The following RBFOX3 variants were observed in gnomAD, a reference collection of about 807,000 sequenced individuals.
The protein encoded by RBFOX3 is RNA binding fox-1 homolog 3.
Under a neutral mutation model 48.7 loss-of-function variants are expected in RBFOX3, and 17 were observed. The ratio of observed to expected loss-of-function variants is 0.35; its 90% CI spans 0.24 to 0.52. The LOEUF (loss-of-function observed/expected upper bound fraction) is 0.52, where lower values mean the gene tolerates loss of function less well. RBFOX3 is among the 20% of genes least tolerant of loss of function. RBFOX3 has a pLI of 0.94. For synonymous variants in RBFOX3, 212 were observed against 209.5 expected, an observed-to-expected ratio of 1.01 and a Z score of -0.10; for missense variants, 382 against 497.5, an observed-to-expected ratio of 0.77 and a Z score of 2.21.
intron 2 of RBFOX3, among the ~76,000 whole-genome samples, chr17:79,414,226 A>G (rs867589788): frequency 3.3e-5 from 5 of 152,064 alleles, no homozygotes; most frequent in African/African-American, 9.7e-5. Context: ...CAAATCAACA[A>G]TTGCCTTGCT....
chr17:79,309,432 G>C (rs887044886), intron 2 of RBFOX3, among the ~76,000 whole-genome samples: 1 of 146,770 alleles, frequency 6.8e-6, no homozygotes, highest in African/African-American at 2.5e-5. Context: ...CCTGCTCCTT[G>C]CTCCCTCTGC....
chr17:79,528,503 G>A lies in RBFOX3; in HGVS notation c.-319-45905C>T, dbSNP rs1029442745. On this transcript the variant is annotated intron_variant, in intron 1 of 14. Transcript: ENST00000693108. ...TTGAACCTCTGAGGTACCTCTGAGGGGGATCTTAATTGAACCTCTGAGTAA... is the reference window on the plus strand; with the variant it reads ...TTGAACCTCTGAGGTACCTCTGAGGAGGATCTTAATTGAACCTCTGAGTAA... Among the ~76,000 whole-genome samples, 840 of 151,856 alleles carry A rather than the reference G, an allele frequency of 5.5e-3. 8 individuals carry two copies. Among genetic ancestry groups the A allele is most frequent in the South Asian group, 0.022 (106 of 4,796 alleles).
chr17:79,321,522 G>C (rs1401831247), intron 2 of RBFOX3, among the ~76,000 whole-genome samples: 1 of 152,100 alleles, frequency 6.6e-6, no homozygotes, highest in Admixed American at 6.5e-5. Flanking sequence ...AGGTGAGAAA[G>C]TTCTCATCCA....
chr17:79,384,231 T>C (rs899449713), intron 2 of RBFOX3, among the ~76,000 whole-genome samples: 13 of 151,968 alleles, frequency 8.6e-5, no homozygotes, highest in Admixed American at 1.3e-4. Flanking sequence ...GGGACCCCGG[T>C]AAGGGGAGCG....
chr17:79,323,552 T>G (rs2078860638), intron 2 of RBFOX3, among the ~76,000 whole-genome samples: 1 of 152,256 alleles, frequency 6.6e-6, no homozygotes, highest in African/African-American at 2.4e-5. Flanking sequence ...TAATGGCAGC[T>G]GAGGCCACCA....
chr17:79,367,083 A>G (rs1023258004), intron 2 of RBFOX3, among the ~76,000 whole-genome samples: 2 of 152,082 alleles, frequency 1.3e-5, no homozygotes, highest in African/African-American at 2.4e-5. Flanking sequence ...CCCTTGCCCA[A>G]TTCTGCTGCC....
At chr17:79,280,662 G>A (rs1316344194) in intron 3 of RBFOX3, among the ~76,000 whole-genome samples, 1 of 152,238 alleles carries the variant, frequency 6.6e-6, no homozygotes, top group Non-Finnish European at 1.5e-5. Flanking sequence ...AAGTCATTAT[G>A]TTTTGGTCAC....
chr17:79,207,010 G>A (rs1177409045), intron 4 of RBFOX3, among the ~76,000 whole-genome samples: 12 of 152,148 alleles, frequency 7.9e-5, no homozygotes, highest in Admixed American at 7.9e-4. Context: ...CTCTGCTTTG[G>A]GGAGAAAACT....
At chr17:79,537,338 C>T (rs1443071214) in intron 1 of RBFOX3, among the ~76,000 whole-genome samples, 2 of 152,154 alleles carry the variant, frequency 1.3e-5, no homozygotes, top group East Asian at 3.9e-4. Context: ...CCTGTGCATC[C>T]GTTCTCCTCT....
chr17:79,519,867 A>G (rs1010250413), intron 1 of RBFOX3, among the ~76,000 whole-genome samples: 75 of 152,154 alleles, frequency 4.9e-4, no homozygotes, highest in African/African-American at 1.6e-3. Flanking sequence ...CTGCGAGAGG[A>G]CCAGCAGAGC....
chr17:79,323,517 C>T (rs546748136), intron 2 of RBFOX3, among the ~76,000 whole-genome samples: 2 of 152,202 alleles, frequency 1.3e-5, no homozygotes, highest in African/African-American at 2.4e-5. Context: ...AACGGTAGCA[C>T]GTTTTGCAGC....
chr17:79,263,984 AACCAGAGGCAG>A (rs997539239), intron 3 of RBFOX3, among the ~76,000 whole-genome samples: 20 of 152,238 alleles, frequency 1.3e-4, no homozygotes, highest in African/African-American at 4.8e-4. Flanking sequence ...GGGCTCGTGG[AACCAGAGGCAG>A]AGATTGGAGA....
chr17:79,216,501 AG>A (rs1299287315), intron 4 of RBFOX3, among the ~76,000 whole-genome samples: 1 of 152,202 alleles, frequency 6.6e-6, no homozygotes, highest in East Asian at 1.9e-4. Flanking sequence ...GCATGAGGCC[AG>A]GGGGCAGGAG....
intron 4 of RBFOX3, among the ~76,000 whole-genome samples, chr17:79,222,658 C>G (rs2059874007): frequency 6.6e-6 from 1 of 152,228 alleles, no homozygotes; most frequent in South Asian, 2.1e-4. Flanking sequence ...TGGCCTTGAG[C>G]CCCTCCTCCA....
intron 4 of RBFOX3, among the ~76,000 whole-genome samples, chr17:79,131,084 G>C (rs1396037957): frequency 2.0e-5 from 3 of 149,664 alleles, no homozygotes; most frequent in African/African-American, 5.1e-5. Flanking sequence ...CGTGTCCCGT[G>C]TGTGCTGTGT....
chr17:79,503,641 C>G (rs2082666610), intron 1 of RBFOX3, among the ~76,000 whole-genome samples: 1 of 152,216 alleles, frequency 6.6e-6, no homozygotes, highest in South Asian at 2.1e-4. Flanking sequence ...GGCTGCCACA[C>G]TGCACGGTGC....
At position 79,392,905 on chromosome 17, in the gene RBFOX3, A is replaced by G. The variant is rs2061524166; in HGVS notation, c.-174-85081T>C. ...AGGATTCCTTCTCATTTATCCTGAC[A>G]TGTACTTACTAAATAGGAATATTTA... On this transcript the variant is annotated intron_variant, in intron 2 of 14. Coordinates refer to ENST00000693108, the MANE Select transcript of RBFOX3 (RefSeq NM_001350451.2). The surrounding 1 kb of genome is among the most constrained non-coding windows in gnomAD (Gnocchi z 5.0). Among the ~76,000 whole-genome samples, 3 of 152,206 alleles carry G rather than the reference A, an allele frequency of 2.0e-5. No individual in the cohort carries two copies. Among genetic ancestry groups the G allele is most frequent in the South Asian group, 2.1e-4 (1 of 4,836 alleles).
At chr17:79,593,630 T>C (rs2093484603) in intron 1 of RBFOX3, among the ~76,000 whole-genome samples, 1 of 152,174 alleles carries the variant, frequency 6.6e-6, no homozygotes, top group South Asian at 2.1e-4. Flanking sequence ...AGGACCGGAG[T>C]GGCCTCTGCT....
At chr17:79,464,524 A>C (rs1555752229) in intron 2 of RBFOX3, among the ~76,000 whole-genome samples, 1 of 152,238 alleles carries the variant, frequency 6.6e-6, no homozygotes, top group Non-Finnish European at 1.5e-5. Flanking sequence ...TCCCCCGCAG[A>C]CATCTGCCTG....
Sources: allele counts gnomAD v4.1 joint callset (sites outside exome capture counted in the v4.1 genomes callset), GRCh38; gene constraint gnomAD v4.1.1; non-coding constraint Gnocchi (gnomAD v3.1); transcripts MANE v1.5; gene names NCBI Gene and HGNC (gene_info 2026-07-23, HGNC 2026-07-21).